NT5DC1: variants seen among roughly 807,000 people sequenced by gnomAD.
The protein encoded by NT5DC1 is 5'-nucleotidase domain containing 1, also known as 5'-nucleotidase domain-containing protein 1.
Under a neutral mutation model 59.4 loss-of-function variants are expected in NT5DC1, and 42 were observed. That is an observed-to-expected ratio of 0.71 (90% CI 0.55 to 0.92). The LOEUF (loss-of-function observed/expected upper bound fraction) is 0.92. Among genes scored for constraint, NT5DC1 ranks in the 40% least tolerant of loss-of-function variants. NT5DC1 has a pLI of 0.00. For missense variants in NT5DC1, 501 were observed against 537.1 expected (o/e 0.93, Z 0.66); for synonymous variants, 172 against 188.1 (o/e 0.91, Z 0.70).
At chr6:116,170,303 G>A (rs556817661) in intron 6 of NT5DC1, among the ~76,000 whole-genome samples, 2 of 152,206 alleles carry the variant, frequency 1.3e-5, no homozygotes, top group African/African-American at 2.4e-5. Context: ...GTGTATATAT[G>A]TACTTTTTTT....
intron 6 of NT5DC1, among the ~76,000 whole-genome samples, chr6:116,178,658 G>C (rs978905674): frequency 1.3e-5 from 2 of 152,178 alleles, no homozygotes; most frequent in African/African-American, 4.8e-5. Flanking sequence ...TTTGGTAAAG[G>C]CAATTTTACT....
At chr6:116,168,284 C>G (rs1028827958) in intron 6 of NT5DC1, among the ~76,000 whole-genome samples, 2 of 151,938 alleles carry the variant, frequency 1.3e-5, no homozygotes, top group Non-Finnish European at 2.9e-5. Flanking sequence ...TTCACCTTCT[C>G]TCTTTTCTTG....
chr6:116,229,766 A>T (rs1781980222), intron 8 of NT5DC1, among the ~76,000 whole-genome samples: 1 of 152,030 alleles, frequency 6.6e-6, no homozygotes, highest in Non-Finnish European at 1.5e-5. Context: ...CATTGGGAGA[A>T]TCATGAGCCA....
At chr6:116,158,206 GT>G (rs1780246251) in intron 6 of NT5DC1, among the ~76,000 whole-genome samples, 1 of 152,016 alleles carries the variant, frequency 6.6e-6, no homozygotes, top group Non-Finnish European at 1.5e-5. Context: ...GTTGGGAGAT[GT>G]TTAGTATTAC....
At chr6:116,228,545 CA>C (rs771071273) in intron 8 of NT5DC1, among the ~76,000 whole-genome samples, 96 of 152,166 alleles carry the variant, frequency 6.3e-4, no homozygotes, top group Admixed American at 1.9e-3. Flanking sequence ...TCATTTTTAT[CA>C]CATCCAGGAG....
chr6:116,153,204 T>G (rs1780093622), intron 6 of NT5DC1, among the ~76,000 whole-genome samples: 1 of 152,100 alleles, frequency 6.6e-6, no homozygotes, highest in Admixed American at 6.5e-5. Flanking sequence ...ATTAAGAATT[T>G]TTTTAAATCA....
At chr6:116,187,052 G>T (rs953002862) in intron 6 of NT5DC1, among the ~76,000 whole-genome samples, 1 of 151,982 alleles carries the variant, frequency 6.6e-6, no homozygotes, top group African/African-American at 2.4e-5. Context: ...TGTCCCACAG[G>T]GTGCTCCCTT....
intron 6 of NT5DC1, among the ~76,000 whole-genome samples, chr6:116,205,471 G>A (rs545488468): frequency 8.7e-6 from 1 of 115,544 alleles, no homozygotes; most frequent in South Asian, 2.5e-4. Flanking sequence ...TATCTGGTAG[G>A]TTGGAACTTA....
intron 6 of NT5DC1, among the ~76,000 whole-genome samples, chr6:116,148,643 G>A (rs1048033789): frequency 6.6e-6 from 1 of 152,052 alleles, no homozygotes; most frequent in Non-Finnish European, 1.5e-5. Context: ...GTTAAGAAAT[G>A]ACTAAAGTTG....
chr6:116,117,026 T>C (rs1778977418), intron 5 of NT5DC1, among the ~76,000 whole-genome samples: 1 of 152,222 alleles, frequency 6.6e-6, no homozygotes, highest in Non-Finnish European at 1.5e-5. Context: ...TGGAACCTCA[T>C]TCATCTCTTC....
intron 6 of NT5DC1, among the ~76,000 whole-genome samples, chr6:116,160,841 G>T (rs1386067360): frequency 6.6e-6 from 1 of 151,996 alleles, no homozygotes; most frequent in Non-Finnish European, 1.5e-5. Context: ...CCATTACTGG[G>T]TATATACCCA....
chr6:116,160,417 T>A (rs1252283262), intron 6 of NT5DC1, among the ~76,000 whole-genome samples: 1 of 152,146 alleles, frequency 6.6e-6, no homozygotes, highest in Non-Finnish European at 1.5e-5. Context: ...ATGTCTTATT[T>A]TGAGAAGTGT....
At chr6:116,162,235 G>C (rs1261685041) in intron 6 of NT5DC1, among the ~76,000 whole-genome samples, 1 of 152,140 alleles carries the variant, frequency 6.6e-6, no homozygotes, top group Non-Finnish European at 1.5e-5. Flanking sequence ...GAGATAATTT[G>C]ACTTCCACTT....
intron 6 of NT5DC1, among the ~76,000 whole-genome samples, chr6:116,140,118 G>A (rs557394842): frequency 1.1e-4 from 17 of 152,192 alleles, no homozygotes; most frequent in South Asian, 8.3e-4. Context: ...GTTGAATGCC[G>A]CCCTCCTATG....
At chr6:116,165,915 A>C (rs190382937) in intron 6 of NT5DC1, among the ~76,000 whole-genome samples, 1 of 152,314 alleles carries the variant, frequency 6.6e-6, no homozygotes, top group Non-Finnish European at 1.5e-5. Context: ...CAATGAATGC[A>C]CAACCAGTAT....
intron 6 of NT5DC1, among the ~76,000 whole-genome samples, chr6:116,168,878 T>C (rs1429018953): frequency 6.6e-6 from 1 of 152,170 alleles, no homozygotes; most frequent in Non-Finnish European, 1.5e-5. Context: ...TTTTTAGAGA[T>C]TGAGGTGATG....
intron 8 of NT5DC1, among the ~76,000 whole-genome samples, chr6:116,231,197 T>C (rs1782014254): frequency 6.8e-6 from 1 of 146,790 alleles, no homozygotes; most frequent in South Asian, 2.3e-4. Context: ...ACTTTTTCTT[T>C]AATAGTATAA....
chr6:116,217,386 A>C (rs1304883444), intron 6 of NT5DC1, among the ~76,000 whole-genome samples: 3 of 152,182 alleles, frequency 2.0e-5, no homozygotes, highest in African/African-American at 7.2e-5. Flanking sequence ...AGAAAATATC[A>C]GCATCAAAGG....
rs1389197607 is a variant in NT5DC1, at chr6:116,244,051, A to G, written c.*27A>G. ...TTGTCTTTACTGAAAAATGAAGTGA[A>G]GACCCATATATGCAGTTAAAAAAAA... On this transcript the variant is annotated 3_prime_UTR_variant, in exon 12 of 12. Coordinates refer to ENST00000319550, the MANE Select transcript of NT5DC1 (RefSeq NM_152729.3). The G allele has an allele frequency of 1.1e-6, 1 of 929,254 alleles. No homozygotes were observed. The highest frequency in any genetic ancestry group is 2.2e-5 in the Admixed American group (1 of 45,312). The allele number at this position is 929,254 out of a possible 1,614,324, so 57.6% of individuals were successfully genotyped here. A position where few individuals can be genotyped will look rare whatever the true frequency, so the allele number is the denominator to read the frequency against.
Sources: allele counts gnomAD v4.1 joint callset (sites outside exome capture counted in the v4.1 genomes callset), GRCh38; gene constraint gnomAD v4.1.1; transcripts MANE v1.5; gene names NCBI Gene and HGNC (gene_info 2026-07-23, HGNC 2026-07-21).